Variants in NFIC observed in about 807,000 individuals in gnomAD.
NFIC encodes the protein nuclear factor 1 C-type.
Under a neutral mutation model 54.4 loss-of-function variants are expected in NFIC, and 12 were observed. The ratio of observed to expected loss-of-function variants is 0.22; its 90% CI spans 0.14 to 0.36. The LOEUF is 0.36. NFIC is among the 10% of genes least tolerant of loss of function. The pLI is 1.00. For synonymous variants in NFIC, 322 were observed against 319.2 expected (o/e 1.01, Z -0.09); for missense variants, 575 against 718.2 (o/e 0.80, Z 2.28).
At chr19:3,417,128 G>T (rs998064474) in intron 2 of NFIC, among the ~76,000 whole-genome samples, 2 of 147,104 alleles carry the variant, frequency 1.4e-5, no homozygotes, top group African/African-American at 4.9e-5. Flanking sequence ...CTCGTGATCC[G>T]CCCGCCTTGG....
chr19:3,438,575 C>G (rs1017431241), intron 6 of NFIC, among the ~76,000 whole-genome samples: 10 of 152,096 alleles, frequency 6.6e-5, no homozygotes, highest in African/African-American at 2.4e-4. Flanking sequence ...GTAGCTGGGA[C>G]TACAGGCACC....
intron 10 of NFIC, chr19:3,457,882 G>A (rs965548545): frequency 2.0e-5 from 3 of 152,268 alleles, no homozygotes; most frequent in African/African-American, 7.2e-5. Context: ...TCTCTTCCCA[G>A]GCTCCGCAAA....
intron 2 of NFIC, among the ~76,000 whole-genome samples, chr19:3,402,068 C>T (rs1053617267): frequency 2.0e-5 from 3 of 151,526 alleles, no homozygotes; most frequent in Admixed American, 1.3e-4. Flanking sequence ...TTTTTTGAGA[C>T]GAAGTCTCAC....
At chr19:3,416,223 T>C (rs1568433874) in intron 2 of NFIC, among the ~76,000 whole-genome samples, 1 of 150,670 alleles carries the variant, frequency 6.6e-6, no homozygotes, top group Non-Finnish European at 1.5e-5. Context: ...TTTAAACATT[T>C]TTTCCCTAAT....
intron 2 of NFIC, among the ~76,000 whole-genome samples, chr19:3,409,855 C>T (rs983002663): frequency 1.4e-4 from 21 of 152,198 alleles, no homozygotes; most frequent in Non-Finnish European, 2.9e-4. Flanking sequence ...TCCATGACAC[C>T]TCACAGACCT....
chr19:3,385,379 T>A (rs1011846077), intron 2 of NFIC, among the ~76,000 whole-genome samples: 1 of 152,006 alleles, frequency 6.6e-6, no homozygotes, highest in African/African-American at 2.4e-5. Context: ...TCAAAACTGG[T>A]TGCCTTGTGG....
intron 3 of NFIC, among the ~76,000 whole-genome samples, chr19:3,426,925 C>CTT (rs547112160): frequency 0.019 from 2,553 of 137,592 alleles, 100 homozygotes; most frequent in African/African-American, 0.052. Flanking sequence ...TACCCTCAAT[C>CTT]TTTTTTTTTT....
intron 6 of NFIC, among the ~76,000 whole-genome samples, chr19:3,441,825 C>T (rs2082298408): frequency 2.0e-5 from 3 of 152,168 alleles, no homozygotes; most frequent in South Asian, 2.1e-4. Flanking sequence ...GGGTCTCTCC[C>T]GAAGGTGCCC....
chr19:3,394,674 G>A (rs1337304608), intron 2 of NFIC, among the ~76,000 whole-genome samples: 4 of 151,734 alleles, frequency 2.6e-5, no homozygotes, highest in African/African-American at 4.8e-5. Flanking sequence ...GGCCACAGAC[G>A]GGTTCCGTGC....
At chr19:3,437,444 TC>T (rs150712195) in intron 6 of NFIC, among the ~76,000 whole-genome samples, 3,466 of 151,992 alleles carry the variant, frequency 0.023, 111 homozygotes, top group African/African-American at 0.073. Flanking sequence ...CCAAGGCCCC[TC>T]CCTTCCACAG....
chr19:3,453,110 G>A lies in NFIC; in HGVS notation c.1269+444G>A, dbSNP rs1011610510. Among the ~76,000 whole-genome samples the A allele has an allele frequency of 4.6e-5, 7 of 152,190 alleles. No homozygotes were observed. Among genetic ancestry groups the A allele is most frequent in the Non-Finnish European group, 8.8e-5 (6 of 68,046 alleles). On this transcript the variant is annotated intron_variant, in intron 8 of 10. Transcript: ENST00000443272. The surrounding 1 kb of genome is among the most constrained non-coding windows in gnomAD (Gnocchi z 6.7). The stretch of plus-strand genomic sequence containing the variant: ...AAAAATGAGCCACGCATGGTGGCGG[G>A]CGCCTGTAGTCCCAGCTACTCAGGA...
At chr19:3,456,494 G>T in intron 9 of NFIC, 56 bp from the exon 10 acceptor site, 2 of 1,528,670 alleles carry the variant, frequency 1.3e-6, no homozygotes, top group Non-Finnish European at 8.9e-7. Flanking sequence ...GGCCAGGGCC[G>T]CCCCGGCTCC....
chr19:3,400,790 C>T (rs1174466224), intron 2 of NFIC, among the ~76,000 whole-genome samples: 2 of 152,126 alleles, frequency 1.3e-5, no homozygotes, highest in Non-Finnish European at 2.9e-5. Context: ...TGCAGTGAGC[C>T]GAGATTGTAC....
At position 3,458,379 on chromosome 19, in the gene NFIC, T is replaced by G. The variant is rs557667293; in HGVS notation, c.1509+1744T>G. Among the ~76,000 whole-genome samples the G allele has an allele frequency of 1.7e-4, 26 of 151,942 alleles. No homozygotes were observed. The highest frequency in any genetic ancestry group is 3.1e-4 in the Non-Finnish European group (21 of 67,984). The stretch of plus-strand genomic sequence containing the variant: ...AAACCAAAGCTAATAAAAGCTGCGG[T>G]GGGAGGAGGCCCAGCCCGCTTAACC... On this transcript the variant is annotated intron_variant, in intron 10 of 10. Transcript: ENST00000443272. The surrounding 1 kb of genome is among the most constrained non-coding windows in gnomAD (Gnocchi z 4.1).
chr19:3,369,340 C>CT lies in NFIC; in HGVS notation c.30+2674_30+2675insT, dbSNP rs1317699178. The stretch of plus-strand genomic sequence containing the variant: ...GCGTGTCTCCCCTTGCCCCCTCTCT[C>CT]CCTGTCTCTCTCTATCTCTGCATGT... On this transcript the variant is annotated intron_variant, in intron 1 of 10. Transcript: ENST00000443272. This position sits in a 1 kb window ranked among gnomAD's most constrained non-coding sequence, Gnocchi z 4.3. 2.0e-5 allele frequency among the ~76,000 whole-genome samples: 3 copies of CT among 152,164 alleles called. No individual in the cohort carries two copies. The highest frequency in any genetic ancestry group is 2.9e-5 in the Non-Finnish European group (2 of 68,024).
intron 2 of NFIC, among the ~76,000 whole-genome samples, chr19:3,384,950 C>T (rs2081269934): frequency 6.6e-6 from 1 of 151,496 alleles, no homozygotes; most frequent in South Asian, 2.1e-4. Context: ...CTCCTCCGTG[C>T]TGAGCTGATA....
At chr19:3,376,637 C>T (rs760259706) in intron 1 of NFIC, among the ~76,000 whole-genome samples, 5 of 151,940 alleles carry the variant, frequency 3.3e-5, no homozygotes, top group African/African-American at 7.3e-5. Context: ...AGGAAGCTGA[C>T]GTGGGAGAAT....
At chr19:3,447,497 G>T (rs1484567699) in intron 6 of NFIC, among the ~76,000 whole-genome samples, 1 of 152,158 alleles carries the variant, frequency 6.6e-6, no homozygotes, top group African/African-American at 2.4e-5. Flanking sequence ...AGCAGCAGCA[G>T]CGGCTCCTGC....
intron 1 of NFIC, among the ~76,000 whole-genome samples, chr19:3,374,981 G>A (rs1190891084): frequency 6.6e-6 from 1 of 151,752 alleles, no homozygotes; most frequent in East Asian, 2.0e-4. Context: ...CCGCCTCCCT[G>A]GCACCTGTCC....
Sources: allele counts gnomAD v4.1 joint callset (sites outside exome capture counted in the v4.1 genomes callset), GRCh38; gene constraint gnomAD v4.1.1; non-coding constraint Gnocchi (gnomAD v3.1); transcripts MANE v1.5; gene names NCBI Gene and HGNC (gene_info 2026-07-23, HGNC 2026-07-21).